Variants in SOS2 observed in about 807,000 individuals in gnomAD.
SOS2 encodes son of sevenless homolog 2.
A neutral mutation model predicts 148.2 loss-of-function variants in SOS2; 65 were observed. The observed-to-expected ratio is 0.44, with a 90% confidence interval of 0.36 to 0.54. SOS2 has a LOEUF of 0.54. SOS2 is among the 20% of genes least tolerant of loss of function. The pLI, the probability that SOS2 is intolerant of heterozygous loss-of-function variation, is 0.00. For synonymous variants in SOS2, 539 were observed against 537.1 expected (o/e 1.00, Z -0.05); for missense variants, 1,341 against 1,590.2 (o/e 0.84, Z 2.67).
intron 8 of SOS2, among the ~76,000 whole-genome samples, chr14:50,162,127 C>T (rs2139638464): frequency 6.6e-6 from 1 of 151,690 alleles, no homozygotes; most frequent in Admixed American, 6.6e-5. Flanking sequence ...AAAAAAGCAA[C>T]TGTAAAAACC....
chr14:50,159,420 G>C lies in SOS2; in HGVS notation c.1852+11C>G, dbSNP rs1278381315. 3.8e-6 allele frequency: 6 copies of C among 1,564,394 alleles called. No individual in the cohort carries two copies. The highest frequency in any genetic ancestry group is 5.2e-6 in the Non-Finnish European group (6 of 1,149,632). On this transcript the variant is annotated intron_variant, in intron 10 of 22. Coordinates refer to ENST00000216373, the MANE Select transcript of SOS2 (RefSeq NM_006939.4). ...GGCCCTAGGTCAGCAGTTGTAATGAGTTTCACATACCTGCATACATATGAT... is the reference window on the plus strand; with the variant it reads ...GGCCCTAGGTCAGCAGTTGTAATGACTTTCACATACCTGCATACATATGAT...
At chr14:50,202,485 G>C (rs979234993) in intron 2 of SOS2, among the ~76,000 whole-genome samples, 2 of 151,704 alleles carry the variant, frequency 1.3e-5, no homozygotes, top group African/African-American at 4.8e-5. Flanking sequence ...CTAAGTCTCA[G>C]CACTTTGGGA....
At chr14:50,161,417 A>C in intron 9 of SOS2, 65 bp downstream of exon 9, 1 of 1,349,266 alleles carries the variant, frequency 7.4e-7, no homozygotes, top group Non-Finnish European at 1.0e-6. Flanking sequence ...CACTTCTTTG[A>C]AAACCAGGCA....
At chr14:50,214,511 T>C (rs1222526403) in intron 1 of SOS2, among the ~76,000 whole-genome samples, 1 of 152,046 alleles carries the variant, frequency 6.6e-6, no homozygotes, top group Non-Finnish European at 1.5e-5. Context: ...TTAAAAGACA[T>C]TTTTAAAAAA....
intron 21 of SOS2, among the ~76,000 whole-genome samples, chr14:50,121,563 T>G: frequency 7.3e-6 from 1 of 137,380 alleles, no homozygotes; most frequent in Admixed American, 7.6e-5. Context: ...CAGGGGGAAA[T>G]AGCTGATACA....
At chr14:50,142,381 C>T (rs377556024) in intron 16 of SOS2, among the ~76,000 whole-genome samples, 1 of 152,020 alleles carries the variant, frequency 6.6e-6, no homozygotes, top group African/African-American at 2.4e-5. Context: ...AATGCAAACA[C>T]CCAAACAGAA....
At chr14:50,154,639 C>T (rs529229402) in intron 12 of SOS2, among the ~76,000 whole-genome samples, 1 of 152,234 alleles carries the variant, frequency 6.6e-6, no homozygotes. Context: ...CACAACCTCG[C>T]AATAAAATAA....
chr14:50,129,963 G>C lies in SOS2; in HGVS notation c.3377C>G (p.Ser1126Ter). ...GAATCAACTTAAATTATACTTACTT[G>C]AATGTGGCAAAAGCACTGGAGCAAA... ...SIFAPVLLPH[S>*]KSFFSSCGSL... The change falls in exon 21 of 23, where the codon TCA becomes TGA. Residue 1126 changes from serine to a stop codon, truncating the protein, a stop_gained and splice_region_variant. Transcript: ENST00000216373. LOFTEE classifies it high-confidence loss of function. 2 of 1,577,008 alleles carry C rather than the reference G, an allele frequency of 1.3e-6. No homozygotes were observed. Among genetic ancestry groups the C allele is most frequent in the Non-Finnish European group, 1.7e-6 (2 of 1,150,912 alleles).
chr14:50,218,350 C>T (rs1045222742), intron 1 of SOS2, among the ~76,000 whole-genome samples: 1 of 151,326 alleles, frequency 6.6e-6, no homozygotes, highest in African/African-American at 2.4e-5. Context: ...TGGCAAAATC[C>T]TGTCTCTACT....
chr14:50,230,556 G>A (rs1182607840), intron 1 of SOS2, among the ~76,000 whole-genome samples: 1 of 152,170 alleles, frequency 6.6e-6, no homozygotes, highest in Non-Finnish European at 1.5e-5. Context: ...ATGATTTCAA[G>A]TCCTAAATCG....
intron 7 of SOS2, among the ~76,000 whole-genome samples, chr14:50,175,447 T>C (rs1486908487): frequency 6.6e-6 from 1 of 150,528 alleles, no homozygotes; most frequent in Non-Finnish European, 1.5e-5. Context: ...TTTTTTTTTT[T>C]TTTCCTGTTT....
At chr14:50,189,521 C>T (rs1409986548) in intron 4 of SOS2, among the ~76,000 whole-genome samples, 1 of 151,988 alleles carries the variant, frequency 6.6e-6, no homozygotes, top group Non-Finnish European at 1.5e-5. Context: ...ACTACTACAT[C>T]TAGCAAATAG....
At chr14:50,163,988 G>T (rs2139644894) in intron 8 of SOS2, among the ~76,000 whole-genome samples, 1 of 152,278 alleles carries the variant, frequency 6.6e-6, no homozygotes, top group South Asian at 2.1e-4. Flanking sequence ...TCCTGGTAAT[G>T]GAAGTATATT....
chr14:50,231,672 G>T (rs1033285454), upstream of SOS2: 5 of 163,034 alleles, frequency 3.1e-5, no homozygotes, highest in South Asian at 1.6e-4. Context: ...CGCGGCGGGC[G>T]GTGAGCAGCG....
At chr14:50,205,251 C>T (rs961179307) in intron 1 of SOS2, among the ~76,000 whole-genome samples, 4 of 151,910 alleles carry the variant, frequency 2.6e-5, no homozygotes, top group Non-Finnish European at 5.9e-5. Flanking sequence ...GAAGTCTCAC[C>T]ATGTTGCCCA....
intron 21 of SOS2, among the ~76,000 whole-genome samples, chr14:50,120,859 C>A (rs1287588855): frequency 6.6e-6 from 1 of 151,238 alleles, no homozygotes; most frequent in African/African-American, 2.4e-5. Context: ...CCTGCCTCAG[C>A]CTCCTGAGTA....
intron 3 of SOS2, 125 bp downstream of exon 3, chr14:50,200,828 T>C (rs1886462916): frequency 1.1e-5 from 8 of 734,822 alleles, no homozygotes; most frequent in South Asian, 2.0e-5. Flanking sequence ...TGTACAAGCA[T>C]ACATATGGAA....
intron 1 of SOS2, among the ~76,000 whole-genome samples, chr14:50,206,752 T>A (rs1310147728): frequency 2.3e-5 from 3 of 128,678 alleles, no homozygotes; most frequent in East Asian, 2.2e-4. Context: ...AAAAGGTTTT[T>A]AAAATTGATT....
chr14:50,175,276 C>T lies in SOS2; in HGVS notation c.970-724G>A, dbSNP rs116126847. 7.7e-3 allele frequency among the ~76,000 whole-genome samples: 1,173 copies of T among 152,122 alleles called. 21 individuals are homozygous for T. Among genetic ancestry groups the T allele is most frequent in the African/African-American group, 0.027 (1,114 of 41,516 alleles). ...GGTTAACATAAATCTTTGTGATAAC[C>T]ATATCACTTCTTAATTCTTAGACAG... On this transcript the variant is annotated intron_variant, in intron 7 of 22. Coordinates refer to ENST00000216373, the MANE Select transcript of SOS2 (RefSeq NM_006939.4).
Sources: gnomAD v4.1 joint callset for allele counts (sites outside exome capture counted in the v4.1 genomes callset) on GRCh38, gnomAD v4.1.1 for gene constraint, MANE v1.5 for transcripts, NCBI Gene and HGNC (gene_info 2026-07-23, HGNC 2026-07-21) for gene names.